Variants in KCNIP4 observed in about 807,000 individuals in gnomAD.
KCNIP4 encodes the protein potassium voltage-gated channel interacting protein 4.
Under a neutral mutation model 34.0 loss-of-function variants are expected in KCNIP4, and 12 were observed. The ratio of observed to expected loss-of-function variants is 0.35; its 90% CI spans 0.23 to 0.57. The LOEUF (loss-of-function observed/expected upper bound fraction) is 0.57. KCNIP4 is among the 20% of genes least tolerant of loss of function. The pLI, the probability that KCNIP4 is intolerant of heterozygous loss-of-function variation, is 0.83. For missense variants in KCNIP4, 238 were observed against 311.7 expected, an observed-to-expected ratio of 0.76 and a Z score of 1.78; for synonymous variants, 124 against 102.2, an observed-to-expected ratio of 1.21 and a Z score of -1.29.
intron 1 of KCNIP4, among the ~76,000 whole-genome samples, chr4:21,324,789 G>T (rs1198058093): frequency 2.0e-5 from 3 of 150,984 alleles, no homozygotes; most frequent in Admixed American, 6.6e-5. Context: ...TTCTATGTCT[G>T]TGAAGACTGC....
At chr4:21,925,790 C>T (rs998226182) in intron 1 of KCNIP4, among the ~76,000 whole-genome samples, 1 of 152,086 alleles carries the variant, frequency 6.6e-6, no homozygotes, top group Non-Finnish European at 1.5e-5. Flanking sequence ...ATCAAGACCC[C>T]ACGATAAGAG....
intron 1 of KCNIP4, among the ~76,000 whole-genome samples, chr4:20,965,165 G>C (rs553956439): frequency 6.6e-6 from 1 of 152,132 alleles, no homozygotes; most frequent in East Asian, 1.9e-4. Context: ...GCCTCAAAAA[G>C]AAGCAAAGGA....
At chr4:21,368,594 A>G in intron 1 of KCNIP4, among the ~76,000 whole-genome samples, 1 of 147,276 alleles carries the variant, frequency 6.8e-6, no homozygotes, top group East Asian at 2.0e-4. Context: ...AGGTTACACA[A>G]ATACTAAGTG....
intron 1 of KCNIP4, among the ~76,000 whole-genome samples, chr4:21,342,388 A>G (rs560067690): frequency 4.5e-4 from 68 of 152,290 alleles, no homozygotes; most frequent in African/African-American, 1.6e-3. Context: ...GTGACTATTC[A>G]AAGCTATTTT....
intron 1 of KCNIP4, among the ~76,000 whole-genome samples, chr4:21,131,393 A>T (rs1472233044): frequency 6.6e-6 from 1 of 152,168 alleles, no homozygotes; most frequent in Non-Finnish European, 1.5e-5. Context: ...GTGGATCACG[A>T]GGTCAGGAAA....
chr4:21,205,742 C>G (rs1030220314), intron 1 of KCNIP4, among the ~76,000 whole-genome samples: 1 of 152,208 alleles, frequency 6.6e-6, no homozygotes, highest in African/African-American at 2.4e-5. Flanking sequence ...TGCCTGAGGT[C>G]ACACGGTTAA....
At chr4:21,461,783 GA>G (rs1181171122) in intron 1 of KCNIP4, among the ~76,000 whole-genome samples, 2 of 151,878 alleles carry the variant, frequency 1.3e-5, no homozygotes, top group Non-Finnish European at 1.5e-5. Flanking sequence ...ATTTGGTTAA[GA>G]GGTTAATGGT....
chr4:21,386,392 C>T (rs1299640005), intron 1 of KCNIP4, among the ~76,000 whole-genome samples: 1 of 151,962 alleles, frequency 6.6e-6, no homozygotes, highest in Non-Finnish European at 1.5e-5. Flanking sequence ...TGTTTATATT[C>T]CAACCAGATG....
At chr4:21,810,410 G>T (rs1721562898) in intron 1 of KCNIP4, among the ~76,000 whole-genome samples, 1 of 151,918 alleles carries the variant, frequency 6.6e-6, no homozygotes, top group Admixed American at 6.6e-5. Context: ...AGAGAATTTG[G>T]CTGGGCGCGG....
At chr4:20,784,733 A>G (rs1711718935) in intron 3 of KCNIP4, among the ~76,000 whole-genome samples, 1 of 152,138 alleles carries the variant, frequency 6.6e-6, no homozygotes. Context: ...TTGGCACAGC[A>G]TCTTTCTTGC....
chr4:21,432,262 G>A (rs1018129579), intron 1 of KCNIP4, among the ~76,000 whole-genome samples: 117 of 151,212 alleles, frequency 7.7e-4, no homozygotes, highest in African/African-American at 2.6e-3. Context: ...GAGGAAAAAT[G>A]TAGATTAGGT....
rs562606192 is a variant in KCNIP4 at position 21,065,553 on chromosome 4, ATTCT to A, written c.62-182848_62-182845del. Among the ~76,000 whole-genome samples the A allele has an allele frequency of 6.0e-3, 907 of 151,994 alleles. 8 individuals carry two copies. Among genetic ancestry groups the A allele is most frequent in the African/African-American group, 0.021 (858 of 41,502 alleles). On this transcript the variant is annotated intron_variant, in intron 1 of 8. Transcript: ENST00000382152. Reference sequence around the variant, plus strand: ...TATTATAATGTACTGCTAAAGGACAATTCTTTCTAAGTTCTACAAGCACAAATAA... The same window carrying A: ...TATTATAATGTACTGCTAAAGGACAATTCTAAGTTCTACAAGCACAAATAA...
chr4:21,829,509 CAAAAG>C (rs1369763397), intron 1 of KCNIP4, among the ~76,000 whole-genome samples: 8 of 151,562 alleles, frequency 5.3e-5, no homozygotes, highest in Non-Finnish European at 1.2e-4. Context: ...AATGGAATAA[CAAAAG>C]AAAACCTAAA....
intron 1 of KCNIP4, among the ~76,000 whole-genome samples, chr4:21,756,753 T>C (rs1214103963): frequency 6.6e-6 from 1 of 151,952 alleles, no homozygotes; most frequent in Non-Finnish European, 1.5e-5. Context: ...ACTCCTGAAA[T>C]TTGCCACTTG....
chr4:20,830,919 A>C (rs1718349626), intron 3 of KCNIP4, among the ~76,000 whole-genome samples: 1 of 152,192 alleles, frequency 6.6e-6, no homozygotes, highest in Non-Finnish European at 1.5e-5. Context: ...CTGAATTGAG[A>C]GGCAGACAAC....
intron 1 of KCNIP4, among the ~76,000 whole-genome samples, chr4:21,830,939 T>C (rs937897762): frequency 9.2e-5 from 14 of 152,152 alleles, no homozygotes; most frequent in Non-Finnish European, 1.8e-4. Flanking sequence ...TGTTCAAAAT[T>C]TAAAATCATT....
chr4:21,345,530 C>T (rs758147418), intron 1 of KCNIP4, among the ~76,000 whole-genome samples: 2 of 151,984 alleles, frequency 1.3e-5, no homozygotes, highest in Non-Finnish European at 2.9e-5. Context: ...TTAATCAAAC[C>T]ACATATTTAA....
At chr4:20,978,882 C>T (rs1271925380) in intron 1 of KCNIP4, among the ~76,000 whole-genome samples, 7 of 152,084 alleles carry the variant, frequency 4.6e-5, no homozygotes, top group Non-Finnish European at 1.0e-4. Context: ...TAGCCTAGTG[C>T]CTGACATCCT....
chr4:20,735,926 G>C (rs1020626545), intron 5 of KCNIP4, among the ~76,000 whole-genome samples: 1 of 152,106 alleles, frequency 6.6e-6, no homozygotes, highest in Non-Finnish European at 1.5e-5. Context: ...AAAGCAGAGG[G>C]GAAATCCAAA....
Sources: allele counts gnomAD v4.1 joint callset (sites outside exome capture counted in the v4.1 genomes callset), GRCh38; gene constraint gnomAD v4.1.1; transcripts MANE v1.5; gene names NCBI Gene and HGNC (gene_info 2026-07-23, HGNC 2026-07-21).